Variants in PLCB1 observed in about 807,000 individuals in gnomAD.
PLCB1 encodes the protein phospholipase C beta 1, also known as 1-phosphatidylinositol 4,5-bisphosphate phosphodiesterase beta-1.
In PLCB1, 46 loss-of-function variants were observed where a neutral mutation model predicts 161.8. The observed-to-expected ratio is 0.28, with a 90% CI of 0.22 to 0.36. PLCB1 has a LOEUF of 0.36. Ranked by LOEUF, PLCB1 falls within the 10% of genes least tolerant of loss-of-function variation. The pLI is 1.00. For synonymous variants in PLCB1, 517 were observed against 503.7 expected (o/e 1.03, Z -0.35); for missense variants, 1,016 against 1,472.5 (o/e 0.69, Z 5.07).
chr20:8,407,977 G>A (rs149703053), intron 3 of PLCB1, among the ~76,000 whole-genome samples: 164 of 152,276 alleles, frequency 1.1e-3, no homozygotes, highest in African/African-American at 3.9e-3. Flanking sequence ...ATAGGGGAAC[G>A]TAAGAAGGCA....
At chr20:8,403,839 A>C (rs1232738144) in intron 3 of PLCB1, among the ~76,000 whole-genome samples, 4 of 152,196 alleles carry the variant, frequency 2.6e-5, no homozygotes, top group Non-Finnish European at 5.9e-5. Flanking sequence ...ATGAACATTC[A>C]GTATCTTCAG....
At chr20:8,288,655 A>G (rs898752579) in intron 2 of PLCB1, among the ~76,000 whole-genome samples, 1 of 152,068 alleles carries the variant, frequency 6.6e-6, no homozygotes, top group Admixed American at 6.6e-5. Context: ...AGCCAACAAC[A>G]GTCCTTCAGA....
At chr20:8,302,123 A>C (rs1983936383) in intron 2 of PLCB1, among the ~76,000 whole-genome samples, 1 of 152,032 alleles carries the variant, frequency 6.6e-6, no homozygotes, top group Non-Finnish European at 1.5e-5. Context: ...TTTCAAATGG[A>C]CTCTCATTCG....
intron 3 of PLCB1, among the ~76,000 whole-genome samples, chr20:8,528,346 A>G (rs1346811070): frequency 1.3e-5 from 2 of 152,144 alleles, no homozygotes; most frequent in Non-Finnish European, 2.9e-5. Flanking sequence ...GTATTCATAC[A>G]GTGCAGTAAA....
intron 1 of PLCB1, among the ~76,000 whole-genome samples, chr20:8,140,867 C>T (rs61318841): frequency 0.15 from 22,953 of 151,754 alleles, 1,938 homozygotes; most frequent in East Asian, 0.31. Flanking sequence ...GGCGCAATCT[C>T]GGCTCACCGC....
rs975026296 is a variant in PLCB1, at chr20:8,537,062, C to T, written c.247-91232C>T. On this transcript the variant is annotated intron_variant, in intron 3 of 31. Coordinates refer to ENST00000338037, the MANE Select transcript of PLCB1 (RefSeq NM_015192.4). ...TCAAGTTAGTAATGGCAAATTCATA[C>T]GGGTCTGCAGCAACCTCAATTCTTG... Among the ~76,000 whole-genome samples, 12 of 152,126 alleles carry T rather than the reference C, an allele frequency of 7.9e-5. No homozygotes were observed. In the South Asian group the frequency reaches 8.3e-4, roughly 11 times the overall value.
At chr20:8,832,971 T>C (rs2146280658) in intron 31 of PLCB1, among the ~76,000 whole-genome samples, 1 of 152,336 alleles carries the variant, frequency 6.6e-6, no homozygotes, top group Admixed American at 6.5e-5. Flanking sequence ...TGTTATGAGT[T>C]GAGTGGTGGT....
chr20:8,687,251 C>T (rs1990381251), intron 10 of PLCB1, among the ~76,000 whole-genome samples: 1 of 152,162 alleles, frequency 6.6e-6, no homozygotes, highest in South Asian at 2.1e-4. Flanking sequence ...ACTCAGACTC[C>T]TGAGCTCAAG....
intron 17 of PLCB1, among the ~76,000 whole-genome samples, chr20:8,728,346 G>T (rs1206203315): frequency 1.3e-5 from 2 of 152,020 alleles, no homozygotes; most frequent in Non-Finnish European, 2.9e-5. Context: ...CTTGGTGATA[G>T]GAACTAGTCA....
intron 2 of PLCB1, among the ~76,000 whole-genome samples, chr20:8,228,026 A>G (rs1979790330): frequency 6.6e-6 from 1 of 152,112 alleles, no homozygotes; most frequent in African/African-American, 2.4e-5. Context: ...GAGACTTAAA[A>G]AGTGTGAAAA....
At chr20:8,820,851 ATATT>A (rs1985310043) in intron 31 of PLCB1, among the ~76,000 whole-genome samples, 1 of 152,218 alleles carries the variant, frequency 6.6e-6, no homozygotes, top group Non-Finnish European at 1.5e-5. Flanking sequence ...CATCATCAAA[ATATT>A]TAGTTAAAAA....
intron 24 of PLCB1, 98 bp downstream of exon 24, chr20:8,757,276 A>AGG: frequency 1.6e-6 from 2 of 1,287,388 alleles, no homozygotes; most frequent in Non-Finnish European, 2.1e-6. Flanking sequence ...TAAAGCATCA[A>AGG]GTGGGGAAAG....
At chr20:8,347,437 A>G (rs1986033124) in intron 2 of PLCB1, among the ~76,000 whole-genome samples, 1 of 152,248 alleles carries the variant, frequency 6.6e-6, no homozygotes, top group Non-Finnish European at 1.5e-5. Context: ...AAACCAAACC[A>G]GAAGGCAGAA....
chr20:8,428,361 C>G (rs1016555785), intron 3 of PLCB1, among the ~76,000 whole-genome samples: 9 of 152,112 alleles, frequency 5.9e-5, no homozygotes, highest in African/African-American at 2.2e-4. Flanking sequence ...GCTGGGACTA[C>G]AGGTGTGTGC....
rs112521484 is a variant in PLCB1 at position 8,845,426 on chromosome 20, C to T, written c.3424-36196C>T. ...TTTCTTGCCTTAAAGTAATGCTGTT[C>T]GATACAGTAGCCATTAGCCATGTGC... On this transcript the variant is annotated intron_variant, in intron 31 of 31. Coordinates refer to ENST00000338037, the MANE Select transcript of PLCB1 (RefSeq NM_015192.4). Among the ~76,000 whole-genome samples the T allele has an allele frequency of 3.6e-3, 553 of 152,028 alleles. 3 individuals carry two copies. The highest frequency in any genetic ancestry group is 6.6e-3 in the Non-Finnish European group (450 of 67,990).
In PLCB1 at chr20:8,463,146, A is replaced by AGTGTGTGTGTGTGT. The variant is rs11472638; in HGVS notation, c.246+91719_246+91732dup. ...GGATCAGTCTGACCTAGTACAGAGC[A>AGTGTGTGTGTGTGT]GTGTGTGTGTGTGTGTGTGTGTGTG... On this transcript the variant is annotated intron_variant, in intron 3 of 31. Coordinates refer to ENST00000338037, the MANE Select transcript of PLCB1 (RefSeq NM_015192.4). Among the ~76,000 whole-genome samples, 270 of 144,778 alleles carry AGTGTGTGTGTGTGT rather than the reference A, an allele frequency of 1.9e-3. 1 individual carries two copies. Among genetic ancestry groups the AGTGTGTGTGTGTGT allele is most frequent in the East Asian group, 4.9e-3 (23 of 4,742 alleles). The allele number at this position is 144,778 out of a possible 152,430, so 95.0% of individuals were successfully genotyped here.
intron 3 of PLCB1, among the ~76,000 whole-genome samples, chr20:8,499,523 G>A (rs1208707494): frequency 6.6e-6 from 1 of 152,170 alleles, no homozygotes; most frequent in Non-Finnish European, 1.5e-5. Flanking sequence ...AGGTCATATA[G>A]CAGAGAATTG....
intron 2 of PLCB1, among the ~76,000 whole-genome samples, chr20:8,299,264 T>A (rs1300432185): frequency 3.9e-5 from 6 of 152,200 alleles, no homozygotes; most frequent in Admixed American, 3.9e-4. Flanking sequence ...TAAAGGTGTA[T>A]AAGCCAAGCT....
At chr20:8,523,398 ATGTGTGTGTGTGTGTG>A (rs34787623) in intron 3 of PLCB1, among the ~76,000 whole-genome samples, 4 of 122,576 alleles carry the variant, frequency 3.3e-5, no homozygotes, top group East Asian at 2.2e-4. Context: ...CATAACAAAT[ATGTGTGTGTGTGTGTG>A]TGTGTGTGTG....
Sources: gnomAD v4.1 joint callset for allele counts (sites outside exome capture counted in the v4.1 genomes callset) on GRCh38, gnomAD v4.1.1 for gene constraint, MANE v1.5 for transcripts, NCBI Gene and HGNC (gene_info 2026-07-23, HGNC 2026-07-21) for gene names.